ARB2A: variants seen among roughly 807,000 people sequenced by gnomAD.
The protein encoded by ARB2A is ARB2 cotranscriptional regulator A, also known as cotranscriptional regulator ARB2A.
the ARB2A span, among the ~76,000 whole-genome samples, chr5:93,751,821 A>T: frequency 6.6e-6 from 1 of 152,166 alleles, no homozygotes; most frequent in East Asian, 1.9e-4. Flanking sequence ...TCTGTTTATG[A>T]CAAGACAGAG....
the ARB2A span, among the ~76,000 whole-genome samples, chr5:93,848,811 G>C: frequency 3.3e-5 from 5 of 152,126 alleles, no homozygotes; most frequent in African/African-American, 1.2e-4. Flanking sequence ...CCTTGCTGGC[G>C]TCTAACATAC....
the ARB2A span, among the ~76,000 whole-genome samples, chr5:93,871,715 C>T: frequency 6.6e-6 from 1 of 151,976 alleles, no homozygotes; most frequent in Non-Finnish European, 1.5e-5. Context: ...TCATAAAATG[C>T]TATTTATGTC....
chr5:94,023,163 C>T, the ARB2A span, among the ~76,000 whole-genome samples: 1 of 152,282 alleles, frequency 6.6e-6, no homozygotes, highest in Non-Finnish European at 1.5e-5. Flanking sequence ...GACAAAATTG[C>T]AGTCAACCAT....
At chr5:93,869,515 G>T in the ARB2A span, among the ~76,000 whole-genome samples, 1 of 152,184 alleles carries the variant, frequency 6.6e-6, no homozygotes, top group Non-Finnish European at 1.5e-5. Context: ...GATGTTTACT[G>T]AGTGCATACT....
At chr5:93,700,807 A>G in the ARB2A span, among the ~76,000 whole-genome samples, 1 of 152,144 alleles carries the variant, frequency 6.6e-6, no homozygotes. Flanking sequence ...ATATAACAAA[A>G]TATGTAACTG....
At chr5:93,765,394 AC>A in the ARB2A span, among the ~76,000 whole-genome samples, 1 of 152,210 alleles carries the variant, frequency 6.6e-6, no homozygotes, top group Non-Finnish European at 1.5e-5. Flanking sequence ...ATTCTTATAC[AC>A]CAATAACAGA....
the ARB2A span, chr5:93,910,697 C>G: frequency 6.6e-6 from 1 of 151,356 alleles, no homozygotes; most frequent in Non-Finnish European, 1.5e-5. Flanking sequence ...CACAAAAGCT[C>G]TTTCTTTAAT....
the ARB2A span, among the ~76,000 whole-genome samples, chr5:93,890,750 G>C: frequency 1.3e-5 from 2 of 152,032 alleles, no homozygotes; most frequent in Non-Finnish European, 2.9e-5. Context: ...GGCTCTACTA[G>C]AAATGTCAAG....
chr5:93,770,741 T>C, the ARB2A span, among the ~76,000 whole-genome samples: 1 of 152,084 alleles, frequency 6.6e-6, no homozygotes, highest in African/African-American at 2.4e-5. Flanking sequence ...GAATCCAACT[T>C]ACAAGGGACG....
chr5:94,047,911 T>C, the ARB2A span, among the ~76,000 whole-genome samples: 2 of 152,308 alleles, frequency 1.3e-5, no homozygotes, highest in African/African-American at 2.4e-5. Context: ...ACATGGCTTA[T>C]GGAAAATAGT....
chr5:93,982,347 T>C, the ARB2A span, among the ~76,000 whole-genome samples: 1 of 152,132 alleles, frequency 6.6e-6, no homozygotes, highest in East Asian at 1.9e-4. Flanking sequence ...AATAAATATA[T>C]ATATACTGCA....
the ARB2A span, among the ~76,000 whole-genome samples, chr5:93,629,756 ACT>A: frequency 6.6e-6 from 1 of 152,228 alleles, no homozygotes; most frequent in East Asian, 1.9e-4. Context: ...GAGGCAGGAA[ACT>A]AGAAAGATAT....
the ARB2A span, among the ~76,000 whole-genome samples, chr5:93,919,092 C>T: frequency 1.3e-5 from 2 of 152,112 alleles, no homozygotes; most frequent in African/African-American, 4.8e-5. Context: ...ACAGGTAATT[C>T]CAGTGTCAGC....
chr5:93,674,713 A>T, the ARB2A span, among the ~76,000 whole-genome samples: 1 of 152,244 alleles, frequency 6.6e-6, no homozygotes, highest in Non-Finnish European at 1.5e-5. Context: ...AACTTAAAAA[A>T]ATATATAGCT....
chr5:93,618,668 T>C, the ARB2A span: 1 of 152,168 alleles, frequency 6.6e-6, no homozygotes, highest in Non-Finnish European at 1.5e-5. Flanking sequence ...TGGTCTGGAA[T>C]AGTTTGCCTA....
At chr5:94,036,016 A>AC in the ARB2A span, among the ~76,000 whole-genome samples, 1 of 151,680 alleles carries the variant, frequency 6.6e-6, no homozygotes, top group Non-Finnish European at 1.5e-5. Context: ...AAAAAATAAA[A>AC]TTAAAAAAAA....
At chr5:93,967,211 G>C in the ARB2A span, among the ~76,000 whole-genome samples, 1 of 152,058 alleles carries the variant, frequency 6.6e-6, no homozygotes. Context: ...TGTTCACTGG[G>C]AGCTGTGTTT....
the ARB2A span, among the ~76,000 whole-genome samples, chr5:93,785,550 A>G: frequency 6.6e-6 from 1 of 152,164 alleles, no homozygotes; most frequent in Admixed American, 6.5e-5. Flanking sequence ...TGCTTATGAT[A>G]CCAAAGGATG....
the ARB2A span, among the ~76,000 whole-genome samples, chr5:93,882,169 A>G: frequency 9.2e-5 from 14 of 151,430 alleles, no homozygotes; most frequent in Non-Finnish European, 1.6e-4. Context: ...CTGAACAATT[A>G]AAAAGAATAA....
Sources: gnomAD v4.1 joint callset for allele counts (sites outside exome capture counted in the v4.1 genomes callset) on GRCh38, gnomAD v4.1.1 for gene constraint, MANE v1.5 for transcripts, NCBI Gene and HGNC (gene_info 2026-07-23, HGNC 2026-07-21) for gene names.